The following MCTP1 variants were observed in gnomAD, a reference collection of about 807,000 sequenced individuals.
MCTP1 encodes the protein multiple C2 and transmembrane domain-containing protein 1.
In MCTP1, 69 loss-of-function variants were observed where a neutral mutation model predicts 120.6. That is an observed-to-expected ratio of 0.57 (90% CI 0.47 to 0.70). The LOEUF (loss-of-function observed/expected upper bound fraction) is 0.70, where lower values mean the gene tolerates loss of function less well. MCTP1 is among the 30% of genes least tolerant of loss of function. The probability of loss-of-function intolerance (pLI) is 0.00; values close to 1 mark genes in which losing one functional copy is unlikely to be tolerated. For missense variants in MCTP1, 1,203 were observed against 1,248.8 expected, an observed-to-expected ratio of 0.96 and a Z score of 0.55; for synonymous variants, 529 against 493.1, an observed-to-expected ratio of 1.07 and a Z score of -0.96.
At chr5:94,974,270 A>T (rs983646563) in intron 2 of MCTP1, among the ~76,000 whole-genome samples, 1 of 152,192 alleles carries the variant, frequency 6.6e-6, no homozygotes, top group Non-Finnish European at 1.5e-5. Flanking sequence ...TAAATAGAAC[A>T]AGCACAGTGT....
intron 1 of MCTP1, among the ~76,000 whole-genome samples, chr5:95,239,653 A>G (rs1167192895): frequency 6.6e-6 from 1 of 152,064 alleles, no homozygotes. Context: ...TGATATAGGT[A>G]TTTTCCAGTA....
intron 1 of MCTP1, among the ~76,000 whole-genome samples, chr5:95,223,318 G>A (rs1328458155): frequency 6.6e-6 from 1 of 152,058 alleles, no homozygotes; most frequent in African/African-American, 2.4e-5. Context: ...CAGGCATGGT[G>A]GTGCATGCCT....
intron 17 of MCTP1, among the ~76,000 whole-genome samples, chr5:94,833,865 GA>G (rs914647634): frequency 1.8e-4 from 28 of 151,784 alleles, no homozygotes; most frequent in East Asian, 9.7e-4. Flanking sequence ...AAGAAAGTGA[GA>G]AAAAAAATAG....
chr5:94,884,576 T>C (rs943812274), intron 12 of MCTP1, among the ~76,000 whole-genome samples: 2 of 112,574 alleles, frequency 1.8e-5, no homozygotes, highest in Non-Finnish European at 3.3e-5. Context: ...CCGGACCATC[T>C]AAAAGTGTCT....
At position 95,284,326 on chromosome 5, in the gene MCTP1, G is replaced by T; in HGVS notation, c.250C>A (p.Arg84=). ...AGSRWSGFKK[R]KQVLDRVFSS... ...AAGACTCGGTCCAGCACTTGCTTCC[G>T]CTTCTTGAAGCCGCTCCACCTGCTG... The change falls in exon 1 of 23, where the codon CGG becomes AGG. Residue 84 remains arginine, a synonymous_variant. Coordinates refer to ENST00000515393, the MANE Select transcript of MCTP1 (RefSeq NM_024717.7). This position sits in a 1 kb window ranked among gnomAD's most constrained non-coding sequence, Gnocchi z 5.2. The T allele has an allele frequency of 3.1e-6, 5 of 1,597,206 alleles. No individual in the cohort carries two copies. Among genetic ancestry groups the T allele is most frequent in the Non-Finnish European group, 4.2e-6 (5 of 1,179,304 alleles).
At chr5:95,084,195 A>T (rs986410280) in intron 1 of MCTP1, among the ~76,000 whole-genome samples, 3 of 152,160 alleles carry the variant, frequency 2.0e-5, no homozygotes, top group South Asian at 2.1e-4. Context: ...AATAAAAATG[A>T]ATTAATGTAT....
At chr5:95,112,709 A>G (rs1180074562) in intron 1 of MCTP1, among the ~76,000 whole-genome samples, 22 of 152,208 alleles carry the variant, frequency 1.4e-4, no homozygotes. Flanking sequence ...TAAGATAGCA[A>G]AAATTTTAAG....
At chr5:94,783,583 G>A (rs1010565664) in intron 18 of MCTP1, among the ~76,000 whole-genome samples, 2 of 152,048 alleles carry the variant, frequency 1.3e-5, no homozygotes, top group African/African-American at 4.8e-5. Context: ...GAAGGATGCA[G>A]TAACAAGAAA....
intron 1 of MCTP1, among the ~76,000 whole-genome samples, chr5:95,157,520 CT>C (rs757557582): frequency 5.9e-5 from 9 of 152,152 alleles, no homozygotes; most frequent in South Asian, 2.1e-4. Flanking sequence ...AAACAGAAAA[CT>C]TTAGCAACTT....
chr5:95,189,734 C>T (rs1010572496), intron 1 of MCTP1, among the ~76,000 whole-genome samples: 18 of 152,012 alleles, frequency 1.2e-4, no homozygotes, highest in Admixed American at 7.2e-4. Flanking sequence ...TCTATATTTC[C>T]GTGAGATACT....
Position 95,284,222 on chromosome 5 carries a change from C to A in MCTP1, c.354G>T (p.Gly118=), listed in dbSNP as rs199763347. Residue 118 remains glycine, a synonymous_variant, in exon 1 of 23, where the codon GGG becomes GGT. Transcript: ENST00000515393. The surrounding 1 kb of genome is among the most constrained non-coding windows in gnomAD (Gnocchi z 5.2). The stretch of plus-strand genomic sequence containing the variant: ...CGCGGATCCGGCGGCGTAGCGTGGA[C>A]CCCTGCTCGGCTCTGCCGGCGCCGC... The part of the protein sequence containing the change: ...EPGGAGRAEQ[G]STLRRRIREH... 2.5e-5 allele frequency: 39 copies of A among 1,581,320 alleles called. No homozygotes were observed. The highest frequency in any genetic ancestry group is 1.9e-4 in the Admixed American group (11 of 58,138).
At chr5:95,272,931 G>A (rs1759523788) in intron 1 of MCTP1, among the ~76,000 whole-genome samples, 1 of 152,244 alleles carries the variant, frequency 6.6e-6, no homozygotes, top group Admixed American at 6.5e-5. Flanking sequence ...ACTGGGCAAA[G>A]TCACAATCAC....
chr5:94,768,814 A>G (rs1171794175), intron 19 of MCTP1, among the ~76,000 whole-genome samples: 2 of 152,194 alleles, frequency 1.3e-5, no homozygotes, highest in African/African-American at 4.8e-5. Flanking sequence ...GCCATTATGG[A>G]AATCAACATG....
At chr5:94,980,084 C>T (rs551965989) in intron 2 of MCTP1, among the ~76,000 whole-genome samples, 2 of 152,182 alleles carry the variant, frequency 1.3e-5, no homozygotes, top group East Asian at 1.9e-4. Flanking sequence ...TAGTACTAAA[C>T]ATATAGTTTT....
At chr5:94,771,762 G>GT (rs1228112748) in intron 19 of MCTP1, among the ~76,000 whole-genome samples, 3 of 152,196 alleles carry the variant, frequency 2.0e-5, no homozygotes, top group Non-Finnish European at 4.4e-5. Flanking sequence ...GCAGTTGGAA[G>GT]TTACCTGTAC....
intron 1 of MCTP1, among the ~76,000 whole-genome samples, chr5:95,264,479 CATAG>C (rs1189291345): frequency 1.3e-5 from 2 of 152,200 alleles, no homozygotes; most frequent in Non-Finnish European, 2.9e-5. Flanking sequence ...TCCAGCAGCT[CATAG>C]ATAGATTTTC....
chr5:94,958,920 T>C (rs1316614896), intron 2 of MCTP1, among the ~76,000 whole-genome samples: 1 of 152,188 alleles, frequency 6.6e-6, no homozygotes, highest in Non-Finnish European at 1.5e-5. Flanking sequence ...ATTCATTTTA[T>C]GAGGCCAGCA....
At chr5:94,958,057 TAACA>T (rs1823102328) in intron 2 of MCTP1, among the ~76,000 whole-genome samples, 1 of 152,136 alleles carries the variant, frequency 6.6e-6, no homozygotes, top group South Asian at 2.1e-4. Context: ...ACAGAAATTA[TAACA>T]AACAGTCTCT....
At chr5:94,790,299 G>A (rs147920910) in intron 18 of MCTP1, among the ~76,000 whole-genome samples, 1 of 152,318 alleles carries the variant, frequency 6.6e-6, no homozygotes, top group East Asian at 1.9e-4. Flanking sequence ...CCAATGGGAG[G>A]CCCAGGGAAG....
Sources: allele counts gnomAD v4.1 joint callset (sites outside exome capture counted in the v4.1 genomes callset), GRCh38; gene constraint gnomAD v4.1.1; non-coding constraint Gnocchi (gnomAD v3.1); transcripts MANE v1.5; gene names NCBI Gene and HGNC (gene_info 2026-07-23, HGNC 2026-07-21).